The following SNAP91 variants were observed in gnomAD, a reference collection of about 807,000 sequenced individuals.
The protein encoded by SNAP91 is synaptosome associated protein 91.
A neutral mutation model predicts 100.3 loss-of-function variants in SNAP91; 27 were observed. The ratio of observed to expected loss-of-function variants is 0.27; its 90% CI spans 0.20 to 0.37. The LOEUF (loss-of-function observed/expected upper bound fraction) is 0.37. Among genes scored for constraint, SNAP91 ranks in the 10% least tolerant of loss-of-function variants. The probability of loss-of-function intolerance (pLI) is 1.00; values close to 1 mark genes in which losing one functional copy is unlikely to be tolerated. For missense variants in SNAP91, 986 were observed against 1,123.7 expected (o/e 0.88, Z 1.75); for synonymous variants, 404 against 398.6 (o/e 1.01, Z -0.16).
At chr6:83,666,118 A>T (rs2098678991) in intron 2 of SNAP91, among the ~76,000 whole-genome samples, 3 of 152,138 alleles carry the variant, frequency 2.0e-5, no homozygotes. Context: ...TTTTGTACAC[A>T]TGTAAGCTTT....
intron 24 of SNAP91, among the ~76,000 whole-genome samples, chr6:83,576,715 T>C (rs1819357825): frequency 6.6e-6 from 1 of 152,228 alleles, no homozygotes. Flanking sequence ...CAGCCATATA[T>C]CCTTCCTCTG....
chr6:83,585,326 T>C (rs965041028), intron 22 of SNAP91, among the ~76,000 whole-genome samples: 5 of 152,204 alleles, frequency 3.3e-5, no homozygotes, highest in South Asian at 4.1e-4. Flanking sequence ...TTGGTCAATA[T>C]AGCGAGACCT....
intron 2 of SNAP91, among the ~76,000 whole-genome samples, chr6:83,668,266 G>A (rs217300): frequency 0.36 from 54,552 of 152,036 alleles, 10,727 homozygotes; most frequent in South Asian, 0.5. Context: ...GTGGAAGACA[G>A]TGTGGCAATT....
chr6:83,628,430 C>G (rs1159927035), intron 8 of SNAP91, among the ~76,000 whole-genome samples: 2 of 151,720 alleles, frequency 1.3e-5, no homozygotes, highest in Non-Finnish European at 2.9e-5. Flanking sequence ...TAAGGAATCT[C>G]CACATTGTTT....
At chr6:83,639,043 G>C (rs2097570411) in intron 8 of SNAP91, among the ~76,000 whole-genome samples, 1 of 152,162 alleles carries the variant, frequency 6.6e-6, no homozygotes, top group Admixed American at 6.5e-5. Flanking sequence ...TAAGAAATTT[G>C]AATAGTTCCA....
intron 10 of SNAP91, among the ~76,000 whole-genome samples, chr6:83,615,579 G>A (rs1370570462): frequency 3.9e-5 from 6 of 152,066 alleles, no homozygotes; most frequent in East Asian, 1.9e-4. Context: ...CCCCGGCCAC[G>A]CTGAGATTGG....
At chr6:83,632,825 G>A (rs141738698) in intron 8 of SNAP91, among the ~76,000 whole-genome samples, 32,378 of 152,084 alleles carry the variant, frequency 0.21, 4,265 homozygotes, top group East Asian at 0.4. Flanking sequence ...ACTGGGCTTC[G>A]CCTTTCTCTG....
At chr6:83,696,771 T>C (rs983645974) in intron 2 of SNAP91, among the ~76,000 whole-genome samples, 35 of 152,168 alleles carry the variant, frequency 2.3e-4, no homozygotes, top group African/African-American at 8.0e-4. Flanking sequence ...GAATCACCTG[T>C]AATTATTTCT....
Position 83,640,529 on chromosome 6 carries a change from A to C in SNAP91, c.765+567T>G, listed in dbSNP as rs376509870. Among the ~76,000 whole-genome samples, 13 of 152,312 alleles carry C rather than the reference A, an allele frequency of 8.5e-5. No individual in the cohort carries two copies. The East Asian group carries it at 1.2e-3, about 14-fold the overall frequency. On this transcript the variant is annotated intron_variant, in intron 8 of 29. Transcript: ENST00000369694. ...TTTATAAGAGAAAATACCAATTCAC[A>C]AATAATTTCAGGAACACCAACTGCA... is the stretch of plus-strand genomic sequence containing the variant.
At chr6:83,703,916 A>G (rs2099349180) in intron 2 of SNAP91, among the ~76,000 whole-genome samples, 2 of 152,226 alleles carry the variant, frequency 1.3e-5, no homozygotes, top group East Asian at 1.9e-4. Flanking sequence ...ATATATAGAA[A>G]TCACTCATAA....
At chr6:83,563,544 A>G (rs1317668620) in intron 26 of SNAP91, among the ~76,000 whole-genome samples, 1 of 152,192 alleles carries the variant, frequency 6.6e-6, no homozygotes, top group Non-Finnish European at 1.5e-5. Context: ...TCCAGGTGGG[A>G]AAGAAAGAAT....
intron 2 of SNAP91, among the ~76,000 whole-genome samples, chr6:83,683,379 G>A (rs891009023): frequency 2.0e-5 from 3 of 152,080 alleles, no homozygotes; most frequent in African/African-American, 7.2e-5. Flanking sequence ...TGGGCCTTGC[G>A]GGTGGATCAC....
intron 9 of SNAP91, among the ~76,000 whole-genome samples, chr6:83,618,178 C>CT (rs2096576138): frequency 6.6e-6 from 1 of 151,682 alleles, no homozygotes; most frequent in Non-Finnish European, 1.5e-5. Flanking sequence ...TTAAAACTGT[C>CT]TTAACATTCA....
intron 18 of SNAP91, 101 bp downstream of exon 18, chr6:83,593,377 T>C: frequency 3.3e-6 from 5 of 1,513,162 alleles, no homozygotes; most frequent in Non-Finnish European, 3.6e-6. Context: ...AAATGGTTTC[T>C]AGAGAACCAT....
At chr6:83,692,734 AATGCTT>A (rs1406810935) in intron 2 of SNAP91, among the ~76,000 whole-genome samples, 3 of 152,162 alleles carry the variant, frequency 2.0e-5, no homozygotes, top group Non-Finnish European at 4.4e-5. Context: ...TGTTAAAATA[AATGCTT>A]CAGTAGCAAA....
intron 8 of SNAP91, among the ~76,000 whole-genome samples, chr6:83,629,857 G>C (rs1194181448): frequency 2.0e-5 from 3 of 151,962 alleles, no homozygotes; most frequent in Non-Finnish European, 4.4e-5. Context: ...ACTCTTGTTT[G>C]ATTGCTCTGG....
In SNAP91 at chr6:83,607,738, A is replaced by T; in HGVS notation, c.983T>A (p.Val328Asp). 1 of 1,594,290 alleles carries T rather than the reference A, an allele frequency of 6.3e-7. No individual in the cohort carries two copies. The change falls in exon 13 of 30, where the codon GTT becomes GAT. Residue 328 changes from valine to aspartate, a missense_variant. Val to Asp is a radical substitution (Grantham distance 152). This residue lies in a region of SNAP91 where 330 missense variants were observed against 447.5 expected (regional missense o/e 0.74). Coordinates refer to ENST00000369694, the MANE Select transcript of SNAP91 (RefSeq NM_001242792.2). ...CGCAGATGCAGTTGCAAATAAATCA[A>T]CCGGTGGGGATGTGTCAATAGTTTT... is the stretch of plus-strand genomic sequence containing the variant. ...PAKTIDTSPP[V>D]DLFATASAAV...
chr6:83,614,287 T>C (rs900325428), intron 11 of SNAP91, among the ~76,000 whole-genome samples: 5 of 152,182 alleles, frequency 3.3e-5, no homozygotes, highest in Non-Finnish European at 7.4e-5. Flanking sequence ...TGTGGAATTA[T>C]AGAAACAGAC....
At chr6:83,645,361 C>T (rs2097874344) in intron 7 of SNAP91, among the ~76,000 whole-genome samples, 1 of 152,046 alleles carries the variant, frequency 6.6e-6, no homozygotes, top group African/African-American at 2.4e-5. Flanking sequence ...CGCACAGCCT[C>T]CCCTATTATC....
Sources: gnomAD v4.1 joint callset for allele counts (sites outside exome capture counted in the v4.1 genomes callset) on GRCh38, gnomAD v4.1.1 for gene constraint, gnomAD v4.1.1 regional missense constraint, MANE v1.5 for transcripts, NCBI Gene and HGNC (gene_info 2026-07-23, HGNC 2026-07-21) for gene names.